Variants in DSCAM observed in about 807,000 individuals in gnomAD.
DSCAM encodes DS cell adhesion molecule.
DSCAM carries 47 observed loss-of-function variants against 217.7 expected under a neutral mutation model. That is an observed-to-expected ratio of 0.22 (90% CI 0.17 to 0.28). DSCAM has a LOEUF of 0.28. Ranked by LOEUF, DSCAM falls within the 10% of genes least tolerant of loss-of-function variation. The pLI, the probability that DSCAM is intolerant of heterozygous loss-of-function variation, is 1.00. For synonymous variants in DSCAM, 1,056 were observed against 1,015.3 expected (o/e 1.04, Z -0.76); for missense variants, 2,080 against 2,618.3 (o/e 0.79, Z 4.49).
chr21:40,702,118 G>A (rs1018346074), intron 2 of DSCAM, among the ~76,000 whole-genome samples: 1 of 151,904 alleles, frequency 6.6e-6, no homozygotes, highest in Admixed American at 6.6e-5. Flanking sequence ...TTGTTGTTGG[G>A]TACATAAACA....
chr21:40,828,204 A>C lies in DSCAM; in HGVS notation c.43+18415T>G, dbSNP rs541886161. Among the ~76,000 whole-genome samples the C allele has an allele frequency of 3.9e-5, 6 of 152,298 alleles. No individual in the cohort carries two copies. The South Asian group carries it at 1.2e-3, about 32-fold the overall frequency. Reference sequence around the variant, plus strand: ...GACTGTTTGAGCCCAGGAGTTCAAGACCAGCCCAGGCAACATAGTGAGACC... The same window carrying C: ...GACTGTTTGAGCCCAGGAGTTCAAGCCCAGCCCAGGCAACATAGTGAGACC... On this transcript the variant is annotated intron_variant, in intron 1 of 32. Coordinates refer to ENST00000400454, the MANE Select transcript of DSCAM (RefSeq NM_001389.5).
At chr21:40,198,035 A>G (rs1430999182) in intron 11 of DSCAM, among the ~76,000 whole-genome samples, 1 of 152,132 alleles carries the variant, frequency 6.6e-6, no homozygotes, top group East Asian at 1.9e-4. Flanking sequence ...CTGGGGCCTG[A>G]GTCCATTTAC....
intron 16 of DSCAM, among the ~76,000 whole-genome samples, chr21:40,161,418 T>C (rs1288427530): frequency 7.1e-6 from 1 of 140,614 alleles, no homozygotes; most frequent in Non-Finnish European, 1.6e-5. Context: ...CACAGTTTTT[T>C]TTTTAAAAGC....
chr21:40,835,513 C>T (rs1324633554), intron 1 of DSCAM, among the ~76,000 whole-genome samples: 2 of 152,094 alleles, frequency 1.3e-5, no homozygotes, highest in Non-Finnish European at 2.9e-5. Flanking sequence ...GCAGAATTCA[C>T]ATTTATTCAG....
chr21:40,323,674 C>G (rs1045361597), intron 8 of DSCAM, among the ~76,000 whole-genome samples: 11 of 152,180 alleles, frequency 7.2e-5, no homozygotes, highest in African/African-American at 1.7e-4. Flanking sequence ...CAGTTTTTCT[C>G]TCTAATAATT....
At chr21:40,607,400 ATT>A (rs58893055) in intron 3 of DSCAM, among the ~76,000 whole-genome samples, 2,340 of 121,114 alleles carry the variant, frequency 0.019, 52 homozygotes, top group African/African-American at 0.065. Context: ...TTTAATTCTG[ATT>A]TTTTTTTTTT....
intron 16 of DSCAM, among the ~76,000 whole-genome samples, chr21:40,148,505 T>A (rs770745903): frequency 3.9e-5 from 6 of 152,132 alleles, no homozygotes; most frequent in Non-Finnish European, 8.8e-5. Context: ...TGCTATGGCA[T>A]GCTAACTGTA....
At chr21:40,253,742 G>A (rs769770573) in intron 11 of DSCAM, among the ~76,000 whole-genome samples, 35 of 152,238 alleles carry the variant, frequency 2.3e-4, no homozygotes, top group Non-Finnish European at 3.8e-4. Flanking sequence ...GGGTACGCCC[G>A]GAGGGCGGCA....
intron 11 of DSCAM, among the ~76,000 whole-genome samples, chr21:40,191,203 G>A (rs551021052): frequency 1.3e-5 from 2 of 152,242 alleles, no homozygotes; most frequent in African/African-American, 2.4e-5. Context: ...ATAATGAAAC[G>A]TCAAAATACT....
At chr21:40,652,176 G>A (rs2090021824) in intron 3 of DSCAM, among the ~76,000 whole-genome samples, 1 of 98,682 alleles carries the variant, frequency 1.0e-5, no homozygotes, top group African/African-American at 4.8e-5. Context: ...GAGGGAAGGA[G>A]AGGATCAGGA....
chr21:40,420,400 T>C (rs892215103), intron 3 of DSCAM, among the ~76,000 whole-genome samples: 2 of 152,160 alleles, frequency 1.3e-5, no homozygotes, highest in Admixed American at 6.5e-5. Flanking sequence ...ATGCCTGGTA[T>C]TTATAATTCA....
intron 1 of DSCAM, among the ~76,000 whole-genome samples, chr21:40,755,369 C>T (rs1330139614): frequency 6.6e-6 from 1 of 152,066 alleles, no homozygotes; most frequent in Admixed American, 6.6e-5. Flanking sequence ...TTGCTTGAAC[C>T]CGGGAGGCAG....
intron 1 of DSCAM, among the ~76,000 whole-genome samples, chr21:40,710,256 G>A (rs1292030190): frequency 6.7e-6 from 1 of 150,074 alleles, no homozygotes; most frequent in Non-Finnish European, 1.5e-5. Flanking sequence ...AAAATACAAT[G>A]TCAAATCAAC....
intron 3 of DSCAM, among the ~76,000 whole-genome samples, chr21:40,581,844 C>A (rs1257059552): frequency 3.9e-5 from 6 of 152,078 alleles, no homozygotes; most frequent in South Asian, 4.1e-4. Flanking sequence ...AGAAGAATTT[C>A]TTTCTTTTAA....
intron 20 of DSCAM, among the ~76,000 whole-genome samples, chr21:40,120,315 G>C (rs1335963759): frequency 6.6e-6 from 1 of 152,280 alleles, no homozygotes; most frequent in East Asian, 1.9e-4. Context: ...AGAAGTCTGT[G>C]CTTCCTAATT....
At chr21:40,468,186 A>G (rs1281730102) in intron 3 of DSCAM, among the ~76,000 whole-genome samples, 2 of 152,102 alleles carry the variant, frequency 1.3e-5, no homozygotes, top group Non-Finnish European at 2.9e-5. Flanking sequence ...ATAAAGATTC[A>G]CTGAAATTTA....
chr21:40,541,417 C>A (rs571151577), intron 3 of DSCAM, among the ~76,000 whole-genome samples: 2,178 of 152,236 alleles, frequency 0.014, 65 homozygotes, highest in African/African-American at 0.049. Context: ...GAATAAACAG[C>A]AAAGCTTAAA....
intron 3 of DSCAM, among the ~76,000 whole-genome samples, chr21:40,549,066 G>A (rs2076608178): frequency 6.6e-6 from 1 of 152,146 alleles, no homozygotes; most frequent in African/African-American, 2.4e-5. Flanking sequence ...TTAACTGGGT[G>A]TGGTGGTGTG....
At chr21:40,146,830 T>C (rs1032713406) in intron 16 of DSCAM, among the ~76,000 whole-genome samples, 2 of 152,238 alleles carry the variant, frequency 1.3e-5, no homozygotes, top group South Asian at 2.1e-4. Context: ...ATTGATGAGC[T>C]ATGGCTTTTC....
Sources: allele counts gnomAD v4.1 joint callset (sites outside exome capture counted in the v4.1 genomes callset), GRCh38; gene constraint gnomAD v4.1.1; transcripts MANE v1.5; gene names NCBI Gene and HGNC (gene_info 2026-07-23, HGNC 2026-07-21).